The following TASP1 variants were observed in gnomAD, a reference collection of about 807,000 sequenced individuals.
The protein encoded by TASP1 is taspase 1, also known as threonine aspartase 1.
TASP1 carries 16 observed loss-of-function variants against 56.6 expected under a neutral mutation model. The ratio of observed to expected loss-of-function variants is 0.28; its 90% CI spans 0.19 to 0.43. TASP1 has a LOEUF of 0.43. Ranked by LOEUF, TASP1 falls within the 20% of genes least tolerant of loss-of-function variation. The pLI is 1.00. For missense variants in TASP1, 393 were observed against 511.6 expected (o/e 0.77, Z 2.24); for synonymous variants, 179 against 184.2 (o/e 0.97, Z 0.23).
intron 10 of TASP1, among the ~76,000 whole-genome samples, chr20:13,506,558 T>C (rs1002066838): frequency 6.6e-6 from 1 of 152,076 alleles, no homozygotes; most frequent in African/African-American, 2.4e-5. Context: ...CCAAGTGAGA[T>C]TTGTCTCCAG....
chr20:13,409,145 T>C (rs2042015744), intron 13 of TASP1, among the ~76,000 whole-genome samples: 1 of 152,110 alleles, frequency 6.6e-6, no homozygotes, highest in Non-Finnish European at 1.5e-5. Flanking sequence ...ATTGTTTTAA[T>C]TATCATTCAG....
At chr20:13,302,312 C>A in the TASP1 span, among the ~76,000 whole-genome samples, 1,880 of 152,288 alleles carry the variant, frequency 0.012, 32 homozygotes, top group African/African-American at 0.036. Flanking sequence ...ACTGAGAACA[C>A]CCTGGTCTCC....
the TASP1 span, among the ~76,000 whole-genome samples, chr20:13,312,257 C>T: frequency 6.6e-6 from 1 of 152,150 alleles, no homozygotes; most frequent in Admixed American, 6.5e-5. Flanking sequence ...CCTACAAAGC[C>T]ATGCACATGT....
At chr20:13,581,946 C>T (rs1006672477) in intron 5 of TASP1, among the ~76,000 whole-genome samples, 6 of 151,956 alleles carry the variant, frequency 3.9e-5, no homozygotes, top group Admixed American at 3.9e-4. Flanking sequence ...TATCGGAGAC[C>T]ATACCCTTCA....
the TASP1 span, among the ~76,000 whole-genome samples, chr20:13,158,495 T>C: frequency 1.3e-4 from 20 of 152,248 alleles, no homozygotes; most frequent in African/African-American, 4.8e-4. Context: ...TCCTGAAAAC[T>C]GGCCTGAGAT....
intron 10 of TASP1, among the ~76,000 whole-genome samples, chr20:13,504,692 G>A (rs919478487): frequency 6.6e-6 from 1 of 152,070 alleles, no homozygotes; most frequent in Non-Finnish European, 1.5e-5. Context: ...ATAAAAAGAT[G>A]TAAATTGTGG....
the TASP1 span, among the ~76,000 whole-genome samples, chr20:13,293,521 C>T: frequency 1.3e-5 from 2 of 151,762 alleles, no homozygotes; most frequent in Non-Finnish European, 2.9e-5. Flanking sequence ...TTTTCATAGC[C>T]CTGCAATTTG....
chr20:13,293,131 C>A, the TASP1 span, among the ~76,000 whole-genome samples: 126 of 147,912 alleles, frequency 8.5e-4, no homozygotes, highest in African/African-American at 3.0e-3. Flanking sequence ...ACCCAGGAGG[C>A]GGAGGTTGCA....
At chr20:13,464,115 T>C (rs2044160158) in intron 11 of TASP1, among the ~76,000 whole-genome samples, 1 of 152,176 alleles carries the variant, frequency 6.6e-6, no homozygotes, top group African/African-American at 2.4e-5. Context: ...GGCTAAATTG[T>C]ATCTCCTGCT....
At chr20:13,190,076 C>T in the TASP1 span, among the ~76,000 whole-genome samples, 2 of 152,158 alleles carry the variant, frequency 1.3e-5, no homozygotes, top group African/African-American at 2.4e-5. Flanking sequence ...TGCACATTCT[C>T]ACTTACAAGT....
the TASP1 span, among the ~76,000 whole-genome samples, chr20:13,245,060 T>A: frequency 6.6e-6 from 1 of 152,230 alleles, no homozygotes; most frequent in South Asian, 2.1e-4. Context: ...GGGATTTTAA[T>A]ACCAAAAAGC....
chr20:13,206,158 G>A, the TASP1 span, among the ~76,000 whole-genome samples: 1 of 152,162 alleles, frequency 6.6e-6, no homozygotes, highest in Non-Finnish European at 1.5e-5. Context: ...CCTGAGGGGA[G>A]CTGGCCCTGT....
intron 10 of TASP1, among the ~76,000 whole-genome samples, chr20:13,485,871 T>C (rs1600962792): frequency 6.6e-6 from 1 of 152,312 alleles, no homozygotes; most frequent in African/African-American, 2.4e-5. Flanking sequence ...ACTAAATGAA[T>C]GTTCAGAAGG....
intron 4 of TASP1, among the ~76,000 whole-genome samples, chr20:13,606,806 C>CAAAAA (rs71334137): frequency 1.3e-5 from 1 of 75,230 alleles, no homozygotes; most frequent in Non-Finnish European, 2.7e-5. Flanking sequence ...GACTCCGTCT[C>CAAAAA]AAAAAAAAAA....
the TASP1 span, chr20:13,299,128 A>C: frequency 6.2e-7 from 1 of 1,612,948 alleles, no homozygotes; most frequent in Admixed American, 1.7e-5. The surrounding 1 kb of genome is among the most constrained non-coding windows in gnomAD (Gnocchi z 5.8). Flanking sequence ...AGCGGGCCCA[A>C]GGAGAAGCTG....
intron 13 of TASP1, among the ~76,000 whole-genome samples, chr20:13,413,070 A>C (rs2042142880): frequency 2.0e-5 from 3 of 152,124 alleles, no homozygotes; most frequent in African/African-American, 7.2e-5. Context: ...ACTTCCTGGC[A>C]CTGCACCCAT....
At chr20:13,444,155 A>C (rs533589116) in intron 11 of TASP1, among the ~76,000 whole-genome samples, 7 of 152,254 alleles carry the variant, frequency 4.6e-5, no homozygotes, top group African/African-American at 1.7e-4. Context: ...ATCTCTACCC[A>C]CAAGCACAAC....
chr20:13,518,761 A>T (rs2044628734), intron 10 of TASP1, among the ~76,000 whole-genome samples: 1 of 152,150 alleles, frequency 6.6e-6, no homozygotes, highest in South Asian at 2.1e-4. Flanking sequence ...CAGGGTAGAA[A>T]ATAAAAAGAA....
At chr20:13,588,273 G>GA (rs2047384200) in intron 4 of TASP1, among the ~76,000 whole-genome samples, 6 of 112,360 alleles carry the variant, frequency 5.3e-5, no homozygotes, top group East Asian at 6.1e-4. Context: ...AAGGAAGGAA[G>GA]GAAGGAAGGA....
Sources: gnomAD v4.1 joint callset for allele counts (sites outside exome capture counted in the v4.1 genomes callset) on GRCh38, gnomAD v4.1.1 for gene constraint, Gnocchi (gnomAD v3.1) non-coding constraint, MANE v1.5 for transcripts, NCBI Gene and HGNC (gene_info 2026-07-23, HGNC 2026-07-21) for gene names.